Variants in WIPF3 observed in about 807,000 individuals in gnomAD.
The protein encoded by WIPF3 is WAS/WASL-interacting protein family member 3.
WIPF3 carries 33 observed loss-of-function variants against 38.9 expected under a neutral mutation model. The ratio of observed to expected loss-of-function variants is 0.85; its 90% CI spans 0.64 to 1.14. The LOEUF (loss-of-function observed/expected upper bound fraction) is 1.14. Among genes scored for constraint, WIPF3 ranks in the 50% most tolerant of loss-of-function variants. The pLI is 0.00. For missense variants in WIPF3, 711 were observed against 652.5 expected, an observed-to-expected ratio of 1.09 and a Z score of -0.98; for synonymous variants, 324 against 269.3, an observed-to-expected ratio of 1.20 and a Z score of -1.99.
rs1378254012 is a variant in WIPF3 at position 29,823,578 on chromosome 7, G to A, written c.-57-11090G>A. 1.3e-5 allele frequency among the ~76,000 whole-genome samples: 2 copies of A among 152,138 alleles called. No homozygotes were observed. Among genetic ancestry groups the A allele is most frequent in the East Asian group, 3.8e-4 (2 of 5,196 alleles). ...CGGGAGCCTGATTCCTTGTTTATAT[G>A]CCATTGCCTTGATACAAAAATATCT... On this transcript the variant is annotated intron_variant, in intron 1 of 8. Coordinates refer to ENST00000242140, the MANE Select transcript of WIPF3 (RefSeq NM_001080529.3). This position sits in a 1 kb window ranked among gnomAD's most constrained non-coding sequence, Gnocchi z 4.0.
chr7:29,827,357 A>AAAAGAAAGTGACC (rs1784631573), intron 1 of WIPF3, among the ~76,000 whole-genome samples: 1 of 152,248 alleles, frequency 6.6e-6, no homozygotes, highest in Admixed American at 6.5e-5. Context: ...AGAAAGTGAC[A>AAAAGAAAGTGACC]ACAGAAAGTG....
chr7:29,875,253 G>C (rs146408981), intron 2 of WIPF3, among the ~76,000 whole-genome samples: 15 of 152,196 alleles, frequency 9.9e-5, no homozygotes, highest in Non-Finnish European at 2.2e-4. Flanking sequence ...CCAGCTCCTA[G>C]AGCATGAATC....
intron 2 of WIPF3, among the ~76,000 whole-genome samples, chr7:29,849,959 T>C (rs920502295): frequency 2.0e-5 from 3 of 152,264 alleles, no homozygotes; most frequent in African/African-American, 7.2e-5. Context: ...GTTTGTATTT[T>C]CTTCTGGGTT....
intron 2 of WIPF3, among the ~76,000 whole-genome samples, chr7:29,870,839 C>G (rs1562782078): frequency 6.6e-6 from 1 of 152,070 alleles, no homozygotes; most frequent in Non-Finnish European, 1.5e-5. Context: ...CACCTGTAAT[C>G]CCAGCTACTC....
intron 4 of WIPF3, among the ~76,000 whole-genome samples, chr7:29,881,099 C>T (rs1159098515): frequency 6.6e-6 from 1 of 152,176 alleles, no homozygotes; most frequent in African/African-American, 2.4e-5. Context: ...TCCCTTCCTG[C>T]AGGTCTCTGC....
intron 7 of WIPF3, among the ~76,000 whole-genome samples, chr7:29,890,375 G>A (rs75172746): frequency 1.6e-4 from 3 of 18,344 alleles, no homozygotes; most frequent in Non-Finnish European, 3.2e-4. Flanking sequence ...AAAAAAAAGA[G>A]AGAGAGAGAA....
At chr7:29,843,849 A>G (rs1784957059) in intron 2 of WIPF3, among the ~76,000 whole-genome samples, 1 of 152,006 alleles carries the variant, frequency 6.6e-6, no homozygotes, top group African/African-American at 2.4e-5. Flanking sequence ...GTGGTTAGAG[A>G]ACCAGCCCTG....
intron 8 of WIPF3, among the ~76,000 whole-genome samples, chr7:29,913,217 A>G (rs928384242): frequency 6.6e-6 from 1 of 152,042 alleles, no homozygotes; most frequent in Admixed American, 6.6e-5. Context: ...ATGGTGGCGC[A>G]TATCTGTAAT....
chr7:29,884,056 C>G lies in WIPF3; in HGVS notation c.562C>G (p.Pro188Ala). ...ACCCCCTCCGCCTCCACCCTTACCC[C>G]CGCCCCTTCCCTCTTCCTCCCCCAT... ...TPPPPPPPLP[P>A]PLPSSSPIKT... The change falls in exon 5 of 9, where the codon CCG becomes GCG. Residue 188 changes from proline (P) to alanine (A), a missense_variant. Coordinates refer to ENST00000242140, the MANE Select transcript of WIPF3 (RefSeq NM_001080529.3). The G allele has an allele frequency of 7.0e-7, 1 of 1,421,598 alleles. No individual in the cohort carries two copies. The highest frequency in any genetic ancestry group is 9.4e-7 in the Non-Finnish European group (1 of 1,067,002). The allele number at this position is 1,421,598 out of a possible 1,614,324, so 88.1% of individuals were successfully genotyped here.
At chr7:29,893,077 CA>C (rs3216983) in intron 7 of WIPF3, among the ~76,000 whole-genome samples, 3,564 of 146,322 alleles carry the variant, frequency 0.024, 66 homozygotes, top group East Asian at 0.057. Context: ...AAACAAAAAA[CA>C]AAAAAAAAAG....
chr7:29,826,315 C>T (rs999925574), intron 1 of WIPF3, among the ~76,000 whole-genome samples: 2 of 152,102 alleles, frequency 1.3e-5, no homozygotes, highest in African/African-American at 4.8e-5. Context: ...ACAGTGTCGG[C>T]CTTACGCAGA....
intron 7 of WIPF3, among the ~76,000 whole-genome samples, chr7:29,891,817 G>C (rs1786030782): frequency 6.6e-6 from 1 of 152,178 alleles, no homozygotes; most frequent in Non-Finnish European, 1.5e-5. Flanking sequence ...AGGGGGTGCA[G>C]GTGAATGCTG....
At chr7:29,899,830 ATAAAT>A (rs1272808467) in intron 7 of WIPF3, among the ~76,000 whole-genome samples, 1 of 152,264 alleles carries the variant, frequency 6.6e-6, no homozygotes, top group Non-Finnish European at 1.5e-5. Flanking sequence ...TTTGTAAAAA[ATAAAT>A]TCGTGTATCT....
intron 1 of WIPF3, among the ~76,000 whole-genome samples, chr7:29,810,856 T>A (rs1784361443): frequency 6.6e-6 from 1 of 152,182 alleles, no homozygotes; most frequent in Non-Finnish European, 1.5e-5. Flanking sequence ...ATAATAGTAT[T>A]TATCTCATGT....
rs535875733 is a variant in WIPF3 at position 29,882,266 on chromosome 7, T to C, written c.356-1584T>C. ...TAGGCTTTGCTCTGTTTTGTAAACT[T>C]TCATTATCCCTTTCAATTTCATTCA... On this transcript the variant is annotated intron_variant, in intron 4 of 8. Coordinates refer to ENST00000242140, the MANE Select transcript of WIPF3 (RefSeq NM_001080529.3). Among the ~76,000 whole-genome samples the C allele has an allele frequency of 7.2e-5, 11 of 152,344 alleles. No homozygotes were observed. The South Asian group carries it at 2.3e-3, about 32-fold the overall frequency.
intron 5 of WIPF3, among the ~76,000 whole-genome samples, chr7:29,887,539 G>T (rs141621264): frequency 1.3e-5 from 2 of 152,170 alleles, no homozygotes; most frequent in Non-Finnish European, 2.9e-5. Context: ...TAGGTGGACC[G>T]GAAAGAGAAA....
chr7:29,821,030 T>G (rs1208482588), intron 1 of WIPF3, among the ~76,000 whole-genome samples: 1 of 152,230 alleles, frequency 6.6e-6, no homozygotes, highest in Non-Finnish European at 1.5e-5. Flanking sequence ...TACTGCCATT[T>G]CTTTGTCCCC....
Position 29,866,840 on chromosome 7 carries a change from G to A in WIPF3, c.91-8990G>A, listed in dbSNP as rs147437979. Among the ~76,000 whole-genome samples, 25 of 152,306 alleles carry A rather than the reference G, an allele frequency of 1.6e-4. No individual in the cohort carries two copies. In the East Asian group the frequency reaches 4.6e-3, roughly 28 times the overall value. ...CTGGCCTCAAGCCAGAGAGCAGTGG[G>A]ACCTCTCCGCTCTCCCAGCTTCAGG... On this transcript the variant is annotated intron_variant, in intron 2 of 8. Coordinates refer to ENST00000242140, the MANE Select transcript of WIPF3 (RefSeq NM_001080529.3).
chr7:29,841,474 C>CT (rs1250028324), intron 2 of WIPF3, among the ~76,000 whole-genome samples: 1 of 152,188 alleles, frequency 6.6e-6, no homozygotes, highest in Non-Finnish European at 1.5e-5. Context: ...TCTTTTCTTG[C>CT]TTCTGGTTCC....
Sources: allele counts gnomAD v4.1 joint callset (sites outside exome capture counted in the v4.1 genomes callset), GRCh38; gene constraint gnomAD v4.1.1; non-coding constraint Gnocchi (gnomAD v3.1); transcripts MANE v1.5; gene names NCBI Gene and HGNC (gene_info 2026-07-23, HGNC 2026-07-21).